PREX2: variants seen among roughly 807,000 people sequenced by gnomAD.
The protein encoded by PREX2 is phosphatidylinositol 3,4,5-trisphosphate-dependent Rac exchanger 2 protein.
Under a neutral mutation model 203.2 loss-of-function variants are expected in PREX2, and 107 were observed. The observed-to-expected ratio is 0.53, with a 90% CI of 0.45 to 0.62. The LOEUF (loss-of-function observed/expected upper bound fraction) is 0.62, where lower values mean the gene tolerates loss of function less well. PREX2 is among the 20% of genes least tolerant of loss of function. The pLI, the probability that PREX2 is intolerant of heterozygous loss-of-function variation, is 0.00. For synonymous variants in PREX2, 672 were observed against 663.6 expected (o/e 1.01, Z -0.19); for missense variants, 1,777 against 1,955.9 (o/e 0.91, Z 1.72).
intron 21 of PREX2, among the ~76,000 whole-genome samples, chr8:68,094,179 T>C (rs1364439926): frequency 6.6e-6 from 1 of 152,224 alleles, no homozygotes; most frequent in African/African-American, 2.4e-5. Flanking sequence ...AGAGCTAGAC[T>C]GAAATACAGA....
chr8:68,209,034 TC>T (rs1812696822), intron 37 of PREX2, among the ~76,000 whole-genome samples: 1 of 136,076 alleles, frequency 7.3e-6, no homozygotes. Flanking sequence ...GCCACTGCAC[TC>T]CAGCCTTAGC....
chr8:68,190,008 A>G (rs1812261190), intron 35 of PREX2, among the ~76,000 whole-genome samples: 2 of 152,212 alleles, frequency 1.3e-5, no homozygotes, highest in Non-Finnish European at 2.9e-5. Context: ...ACTTTATTTT[A>G]AAAAGACAAA....
At chr8:68,186,573 G>A (rs1188868958) in intron 35 of PREX2, among the ~76,000 whole-genome samples, 1 of 152,084 alleles carries the variant, frequency 6.6e-6, no homozygotes, top group Non-Finnish European at 1.5e-5. Flanking sequence ...GAGTGCAATG[G>A]TGTGATCTCA....
At chr8:68,225,160 AAT>A (rs1167945215) in intron 39 of PREX2, among the ~76,000 whole-genome samples, 1 of 152,196 alleles carries the variant, frequency 6.6e-6, no homozygotes, top group Non-Finnish European at 1.5e-5. Flanking sequence ...GCCCAACCTG[AAT>A]ATGAGTTTTC....
intron 32 of PREX2, among the ~76,000 whole-genome samples, chr8:68,137,035 A>G (rs1811126816): frequency 6.6e-6 from 1 of 151,746 alleles, no homozygotes. Flanking sequence ...CCTCCCAAGT[A>G]GCTGGGATTA....
chr8:68,053,886 C>T (rs930136837), intron 9 of PREX2, among the ~76,000 whole-genome samples: 6 of 152,220 alleles, frequency 3.9e-5, no homozygotes, highest in African/African-American at 1.4e-4. Flanking sequence ...AGGAATTTGG[C>T]CTGGCTGTAT....
At chr8:67,960,962 T>C (rs1805618923) in intron 1 of PREX2, among the ~76,000 whole-genome samples, 1 of 150,122 alleles carries the variant, frequency 6.7e-6, no homozygotes, top group Non-Finnish European at 1.5e-5. Flanking sequence ...TTATTACATC[T>C]AGTATGAATA....
chr8:68,139,476 C>T, intron 33 of PREX2, among the ~76,000 whole-genome samples: 1 of 152,114 alleles, frequency 6.6e-6, no homozygotes, highest in Middle Eastern at 3.2e-3. Flanking sequence ...CTATGAAGGG[C>T]ATGCCAGCTG....
At chr8:68,024,044 G>A (rs1463894635) in intron 4 of PREX2, among the ~76,000 whole-genome samples, 1 of 151,948 alleles carries the variant, frequency 6.6e-6, no homozygotes, top group Non-Finnish European at 1.5e-5. Context: ...CCGTGTTTCT[G>A]ATCTCAGTAG....
chr8:68,040,489 C>T (rs912852317), intron 7 of PREX2, among the ~76,000 whole-genome samples: 1 of 152,142 alleles, frequency 6.6e-6, no homozygotes, highest in African/African-American at 2.4e-5. Context: ...GCCACATGTG[C>T]TCCCTTCTCA....
At chr8:68,220,722 G>A (rs920623590) in intron 38 of PREX2, among the ~76,000 whole-genome samples, 1 of 152,114 alleles carries the variant, frequency 6.6e-6, no homozygotes, top group African/African-American at 2.4e-5. Flanking sequence ...ACTCATTTTT[G>A]TATCACAGTT....
At chr8:68,204,830 T>C (rs554163788) in intron 37 of PREX2, among the ~76,000 whole-genome samples, 22 of 151,772 alleles carry the variant, frequency 1.4e-4, no homozygotes, top group East Asian at 3.9e-4. Context: ...TACAGGCGCC[T>C]GCCACCACAC....
At chr8:68,151,031 CTCT>C (rs1196277520) in intron 34 of PREX2, among the ~76,000 whole-genome samples, 1 of 152,122 alleles carries the variant, frequency 6.6e-6, no homozygotes, top group Non-Finnish European at 1.5e-5. Context: ...ACAAATTGCC[CTCT>C]TCTTATAGGG....
intron 35 of PREX2, among the ~76,000 whole-genome samples, chr8:68,186,929 C>T (rs554456398): frequency 8.6e-5 from 13 of 152,038 alleles, no homozygotes; most frequent in Non-Finnish European, 1.3e-4. Context: ...ACATTCGCAC[C>T]ATTGAATAGT....
chr8:68,168,467 C>T (rs1473527391), intron 35 of PREX2, among the ~76,000 whole-genome samples: 1 of 152,160 alleles, frequency 6.6e-6, no homozygotes, highest in South Asian at 2.1e-4. Flanking sequence ...TTTAATGTCT[C>T]TTTCTTGGAG....
chr8:68,123,248 G>A (rs189597483), intron 30 of PREX2, among the ~76,000 whole-genome samples: 44 of 152,156 alleles, frequency 2.9e-4, no homozygotes, highest in Non-Finnish European at 4.7e-4. Context: ...ATGTTAAGAG[G>A]AAAATTTGTC....
At chr8:68,042,840 C>G (rs1032846412) in intron 7 of PREX2, among the ~76,000 whole-genome samples, 4 of 151,968 alleles carry the variant, frequency 2.6e-5, no homozygotes, top group Non-Finnish European at 5.9e-5. Flanking sequence ...ATATTAATAT[C>G]TGCAGCCTAA....
At position 68,069,015 on chromosome 8, in the gene PREX2, G is replaced by A; in HGVS notation, c.1340-18G>A. On this transcript the variant is annotated intron_variant, in intron 11 of 39. Transcript: ENST00000288368. Reference sequence around the variant, plus strand: ...TTTAGAGTATCGTTATTTTAATATAGTATTTCTATGTTCTTAGTTACTGAT... The same window carrying A: ...TTTAGAGTATCGTTATTTTAATATAATATTTCTATGTTCTTAGTTACTGAT... 9.6e-7 allele frequency: 1 copy of A among 1,039,328 alleles called. No homozygotes were observed. Among genetic ancestry groups the A allele is most frequent in the Non-Finnish European group, 1.4e-6 (1 of 710,588 alleles). The allele number at this position is 1,039,328 out of a possible 1,614,324, so 64.4% of individuals were successfully genotyped here. A position where few individuals can be genotyped will look rare whatever the true frequency, so the allele number is the denominator to read the frequency against.
At chr8:68,186,074 T>TA (rs1812183220) in intron 35 of PREX2, among the ~76,000 whole-genome samples, 1 of 152,078 alleles carries the variant, frequency 6.6e-6, no homozygotes, top group African/African-American at 2.4e-5. Flanking sequence ...TTTGTCAAAT[T>TA]CTGAAAGATA....
Sources: allele counts gnomAD v4.1 joint callset (sites outside exome capture counted in the v4.1 genomes callset), GRCh38; gene constraint gnomAD v4.1.1; transcripts MANE v1.5; gene names NCBI Gene and HGNC (gene_info 2026-07-23, HGNC 2026-07-21).